The following ZBTB49 variants were observed in gnomAD, a reference collection of about 807,000 sequenced individuals.
ZBTB49 encodes the protein zinc finger and BTB domain-containing protein 49.
ZBTB49 carries 43 observed loss-of-function variants against 57.5 expected under a neutral mutation model. The ratio of observed to expected loss-of-function variants is 0.75; its 90% CI spans 0.59 to 0.97. The LOEUF (loss-of-function observed/expected upper bound fraction) is 0.97, where lower values mean the gene tolerates loss of function less well. Ranked by LOEUF, ZBTB49 falls within the 50% of genes least tolerant of loss-of-function variation. The pLI is 0.00. For missense variants in ZBTB49, 938 were observed against 947.7 expected (o/e 0.99, Z 0.13); for synonymous variants, 369 against 362.1 (o/e 1.02, Z -0.22).
chr4:4,315,081 C>T (rs1022578411), intron 5 of ZBTB49, among the ~76,000 whole-genome samples: 1 of 152,216 alleles, frequency 6.6e-6, no homozygotes, highest in Non-Finnish European at 1.5e-5. Flanking sequence ...GGGTGACAGC[C>T]ATACCTCTTG....
intron 1 of ZBTB49, among the ~76,000 whole-genome samples, chr4:4,291,736 T>C (rs1560102189): frequency 6.6e-6 from 1 of 152,248 alleles, no homozygotes; most frequent in Non-Finnish European, 1.5e-5. Context: ...CTCATTTTTT[T>C]AGTCTGGCAA....
chr4:4,302,506 T>C lies in ZBTB49; in HGVS notation c.670T>C (p.Tyr224His). The C allele has an allele frequency of 6.2e-7, 1 of 1,614,094 alleles. No individual in the cohort carries two copies. Among genetic ancestry groups the C allele is most frequent in the Non-Finnish European group, 8.5e-7 (1 of 1,179,984 alleles). Residue 224 changes from tyrosine to histidine, a missense_variant, in exon 3 of 8, where the codon TAC becomes CAC. Coordinates refer to ENST00000337872, the MANE Select transcript of ZBTB49 (RefSeq NM_145291.4). ...YKLRNFYSKQ[Y>H]HKHAAGPSQE... ...ACTCAGAAACTTTTACAGTAAGCAG[T>C]ACCATAAACACGCAGCTGGTCCCAG... is the stretch of plus-strand genomic sequence containing the variant.
intron 1 of ZBTB49, among the ~76,000 whole-genome samples, chr4:4,292,810 A>G (rs1366457005): frequency 6.6e-6 from 1 of 152,182 alleles, no homozygotes; most frequent in African/African-American, 2.4e-5. Flanking sequence ...AATTCTATCC[A>G]GTAGTATTTG....
At chr4:4,316,542 C>T (rs951444119) in intron 7 of ZBTB49, among the ~76,000 whole-genome samples, 6 of 152,116 alleles carry the variant, frequency 3.9e-5, no homozygotes, top group Non-Finnish European at 8.8e-5. Context: ...TACACATGGC[C>T]TCTAAAGAGG....
chr4:4,303,261 A>G (rs527326257), intron 3 of ZBTB49, among the ~76,000 whole-genome samples, 170 bp downstream of exon 3: 2 of 152,352 alleles, frequency 1.3e-5, no homozygotes, highest in African/African-American at 4.8e-5. Flanking sequence ...TTGGTGATGC[A>G]TCTGACTTAA....
At chr4:4,307,370 A>G (rs1720784319) in intron 4 of ZBTB49, among the ~76,000 whole-genome samples, 1 of 152,184 alleles carries the variant, frequency 6.6e-6, no homozygotes, top group Non-Finnish European at 1.5e-5. Flanking sequence ...CCTGGGGTTC[A>G]GAGCTTGGCC....
chr4:4,309,021 G>A (rs573032609), intron 4 of ZBTB49, among the ~76,000 whole-genome samples: 30 of 152,190 alleles, frequency 2.0e-4, no homozygotes, highest in Admixed American at 4.6e-4. Flanking sequence ...AATGCCCACC[G>A]GCCCATCCTC....
chr4:4,317,315 A>G (rs533907132), intron 7 of ZBTB49, among the ~76,000 whole-genome samples: 49 of 152,304 alleles, frequency 3.2e-4, no homozygotes, highest in African/African-American at 1.2e-3. Flanking sequence ...TGACAGGGTC[A>G]GTTTTTTAAC....
At chr4:4,298,264 A>G (rs1720308397) in intron 1 of ZBTB49, among the ~76,000 whole-genome samples, 1 of 152,196 alleles carries the variant, frequency 6.6e-6, no homozygotes, top group African/African-American at 2.4e-5. Flanking sequence ...TGGCTGCCAC[A>G]TACTTGGAGT....
At chr4:4,307,635 C>T (rs1347249767) in intron 4 of ZBTB49, among the ~76,000 whole-genome samples, 1 of 152,206 alleles carries the variant, frequency 6.6e-6, no homozygotes, top group African/African-American at 2.4e-5. Flanking sequence ...TTCTCCTCTC[C>T]TGTCCATCCT....
Position 4,321,087 on chromosome 4 carries a change from A to ATGC in ZBTB49, c.2071_2073dup (p.Ala691dup), listed in dbSNP as rs1376212527. On this transcript the variant is annotated inframe_insertion, in exon 8 of 8. Coordinates refer to ENST00000337872, the MANE Select transcript of ZBTB49 (RefSeq NM_145291.4). Reference sequence around the variant, plus strand: ...ATGCAGCAGACACAGCCTCAGGCCTATGCTTACTCGGATGTGGACACCCCA... The same window carrying ATGC: ...ATGCAGCAGACACAGCCTCAGGCCTATGCTGCTTACTCGGATGTGGACACCCCA... 1.2e-6 allele frequency: 2 copies of ATGC among 1,614,028 alleles called. No homozygotes were observed. The highest frequency in any genetic ancestry group is 2.7e-5 in the African/African-American group (2 of 74,906).
chr4:4,299,748 G>A (rs1164479821), intron 1 of ZBTB49, among the ~76,000 whole-genome samples, 179 bp from the exon 2 acceptor site: 1 of 151,422 alleles, frequency 6.6e-6, no homozygotes, highest in Non-Finnish European at 1.5e-5. Flanking sequence ...CTGTTGAACA[G>A]CAGCGGTCTA....
chr4:4,296,568 A>G (rs1720213178), intron 1 of ZBTB49, among the ~76,000 whole-genome samples: 1 of 152,200 alleles, frequency 6.6e-6, no homozygotes, highest in Non-Finnish European at 1.5e-5. Flanking sequence ...AGGCCTCTCC[A>G]GGCATGTGGA....
At chr4:4,291,878 C>T (rs866298104) in intron 1 of ZBTB49, among the ~76,000 whole-genome samples, 143 of 152,322 alleles carry the variant, frequency 9.4e-4, no homozygotes, top group African/African-American at 3.2e-3. Flanking sequence ...CGCCTGTAAT[C>T]CCAGCGCTTT....
At chr4:4,305,894 G>A (rs1335991394) in intron 3 of ZBTB49, among the ~76,000 whole-genome samples, 1 of 152,134 alleles carries the variant, frequency 6.6e-6, no homozygotes, top group East Asian at 1.9e-4. Context: ...TAAATACATT[G>A]ATTTTAACAT....
chr4:4,315,064 C>T (rs143815073), intron 5 of ZBTB49, among the ~76,000 whole-genome samples: 5 of 152,340 alleles, frequency 3.3e-5, no homozygotes, highest in African/African-American at 1.2e-4. Context: ...GGGATATTCA[C>T]AGTGGAGGGT....
At chr4:4,310,256 G>A (rs1052593202) in intron 4 of ZBTB49, among the ~76,000 whole-genome samples, 5 of 152,216 alleles carry the variant, frequency 3.3e-5, no homozygotes, top group East Asian at 1.9e-4. Flanking sequence ...TGCTAATATC[G>A]TTAACATAGG....
intron 1 of ZBTB49, among the ~76,000 whole-genome samples, chr4:4,296,574 G>T (rs986548459): frequency 2.0e-5 from 3 of 152,214 alleles, no homozygotes; most frequent in Non-Finnish European, 4.4e-5. Context: ...CTCCAGGCAT[G>T]TGGAACTGTA....
At chr4:4,318,881 T>G (rs1303561467) in intron 7 of ZBTB49, among the ~76,000 whole-genome samples, 5 of 94,160 alleles carry the variant, frequency 5.3e-5, no homozygotes, top group Non-Finnish European at 1.1e-4. Context: ...TTTTGGTTTT[T>G]GTTTTTTTTA....
Sources: allele counts gnomAD v4.1 joint callset (sites outside exome capture counted in the v4.1 genomes callset), GRCh38; gene constraint gnomAD v4.1.1; transcripts MANE v1.5; gene names NCBI Gene and HGNC (gene_info 2026-07-23, HGNC 2026-07-21).